RASA1: variants seen among roughly 807,000 people sequenced by gnomAD.
The protein encoded by RASA1 is ras GTPase-activating protein 1.
RASA1 carries 25 observed loss-of-function variants against 132.2 expected under a neutral mutation model. That is an observed-to-expected ratio of 0.19 (90% CI 0.14 to 0.26). The LOEUF (loss-of-function observed/expected upper bound fraction) is 0.26, where lower values mean the gene tolerates loss of function less well. Among genes scored for constraint, RASA1 ranks in the 10% least tolerant of loss-of-function variants. The pLI, the probability that RASA1 is intolerant of heterozygous loss-of-function variation, is 1.00. For synonymous variants in RASA1, 477 were observed against 449.9 expected (o/e 1.06, Z -0.76); for missense variants, 964 against 1,299.2 (o/e 0.74, Z 3.97).
intron 1 of RASA1, chr5:87,269,223 T>C: frequency 6.4e-7 from 1 of 1,561,378 alleles, no homozygotes; most frequent in Non-Finnish European, 8.6e-7. Flanking sequence ...GTCTTTAAGA[T>C]GGAAAGCATG....
In RASA1 at chr5:87,389,513, C is replaced by T; in HGVS notation, c.3046C>T (p.Arg1016Cys). 1 of 1,613,980 alleles carries T rather than the reference C, an allele frequency of 6.2e-7. No homozygotes were observed. The highest frequency in any genetic ancestry group is 8.5e-7 in the Non-Finnish European group (1 of 1,179,922). The change falls in exon 24 of 25, where the codon CGT (arginine) becomes TGT (cysteine). Residue 1016 changes from arginine (R) to cysteine (C), a missense_variant. Arg to Cys is a radical substitution (Grantham distance 180). Coordinates refer to ENST00000274376, the MANE Select transcript of RASA1 (RefSeq NM_002890.3). ...TGAACTTCGAACGCTCAGTAATGAG[C>T]GTGGTGCACAGCAGGTAGGCTTTCG... ...SDELRTLSNE[R>C]GAQQHVLKKL...
chr5:87,344,237 C>T (rs541475131), intron 6 of RASA1, among the ~76,000 whole-genome samples: 1 of 152,152 alleles, frequency 6.6e-6, no homozygotes, highest in African/African-American at 2.4e-5. Flanking sequence ...GTGATGGATA[C>T]CCCATTTATC....
chr5:87,304,014 A>G (rs975957408), intron 1 of RASA1, among the ~76,000 whole-genome samples: 1 of 151,916 alleles, frequency 6.6e-6, no homozygotes, highest in Admixed American at 6.6e-5. Flanking sequence ...TGGTATTTTT[A>G]GTAGAGACAG....
chr5:87,291,130 T>C (rs894906754), intron 1 of RASA1, among the ~76,000 whole-genome samples: 1 of 152,214 alleles, frequency 6.6e-6, no homozygotes, highest in African/African-American at 2.4e-5. Flanking sequence ...TGCCAGATTT[T>C]TGGATTTTGG....
At chr5:87,304,139 C>T (rs929985113) in intron 1 of RASA1, among the ~76,000 whole-genome samples, 3 of 151,984 alleles carry the variant, frequency 2.0e-5, no homozygotes, top group Middle Eastern at 3.2e-3. Flanking sequence ...CCAGCTGATA[C>T]TTCTTGTCTT....
Position 87,268,678 on chromosome 5 carries a change from C to G in RASA1, c.227C>G (p.Ser76Cys). The G allele has an allele frequency of 3.1e-6, 5 of 1,611,556 alleles. No homozygotes were observed. Among genetic ancestry groups the G allele is most frequent in the Non-Finnish European group, 4.2e-6 (5 of 1,178,990 alleles). The stretch of plus-strand genomic sequence containing the variant: ...GGGTCAGAGTTCCTAGGAGCCGGGT[C>G]TGTGGCAGGGGCACTGGGGGGAGCT... Reference protein sequence around the residue: ...ALGSEFLGAGSVAGALGGAGL... With the variant: ...ALGSEFLGAGCVAGALGGAGL... Residue 76 changes from serine (S) to cysteine (C), a missense_variant, in exon 1 of 25, where the codon TCT (serine) becomes TGT (cysteine). Ser to Cys is a moderately radical substitution (Grantham distance 112). Coordinates refer to ENST00000274376, the MANE Select transcript of RASA1 (RefSeq NM_002890.3).
intron 7 of RASA1, 68 bp downstream of exon 7, chr5:87,346,792 A>G (rs370615556): frequency 4.0e-6 from 5 of 1,261,838 alleles, no homozygotes. Context: ...CAAACCATTT[A>G]TCATGTGTTT....
At position 87,390,876 on chromosome 5, in the gene RASA1, T is replaced by G. The variant is rs750934301; in HGVS notation, c.3137T>G (p.Val1046Gly). The change falls in exon 25 of 25, where the codon GTC becomes GGC. Residue 1046 changes from valine to glycine, a missense_variant. Transcript: ENST00000274376. ...KQNQYTKTND[V>G]R ...AACCAGTATACAAAAACCAATGATG[T>G]CAGGTAGCAGCCTTCGCCCCAGTGT... is the stretch of plus-strand genomic sequence containing the variant. 2 of 1,610,560 alleles carry G rather than the reference T, an allele frequency of 1.2e-6. No individual in the cohort carries two copies. The highest frequency in any genetic ancestry group is 3.3e-5 in the Admixed American group (2 of 59,998).
At chr5:87,306,895 G>T (rs560203877) in intron 1 of RASA1, among the ~76,000 whole-genome samples, 1 of 152,072 alleles carries the variant, frequency 6.6e-6, no homozygotes, top group African/African-American at 2.4e-5. Context: ...GTCTCACTCT[G>T]TCACCCAGAC....
chr5:87,296,038 A>C (rs771605789), intron 1 of RASA1, among the ~76,000 whole-genome samples: 1 of 151,966 alleles, frequency 6.6e-6, no homozygotes, highest in Non-Finnish European at 1.5e-5. Context: ...GCTGGTGTTG[A>C]ATTCCTGACC....
At chr5:87,379,571 G>A (rs1427211045) in intron 18 of RASA1, among the ~76,000 whole-genome samples, 164 bp from the exon 19 acceptor site, 1 of 152,130 alleles carries the variant, frequency 6.6e-6, no homozygotes, top group Non-Finnish European at 1.5e-5. Flanking sequence ...GAGTTCCATA[G>A]AGAAAACTAC....
At chr5:87,381,804 T>C (rs1040091319) in intron 20 of RASA1, among the ~76,000 whole-genome samples, 15 of 152,184 alleles carry the variant, frequency 9.9e-5, no homozygotes, top group African/African-American at 2.9e-4. Context: ...CAGCAGGAAA[T>C]TGTAAACTGT....
intron 6 of RASA1, among the ~76,000 whole-genome samples, chr5:87,341,526 A>G (rs1225103512): frequency 1.3e-5 from 2 of 152,158 alleles, no homozygotes; most frequent in Non-Finnish European, 2.9e-5. Context: ...TGATAACTAA[A>G]TATAACTCTT....
intron 1 of RASA1, among the ~76,000 whole-genome samples, chr5:87,276,587 T>C (rs1019957219): frequency 6.6e-6 from 1 of 152,120 alleles, no homozygotes; most frequent in African/African-American, 2.4e-5. Context: ...GGAAATAAGA[T>C]GATAAAAGTA....
At chr5:87,280,203 C>T (rs190956137) in intron 1 of RASA1, among the ~76,000 whole-genome samples, 20 of 152,334 alleles carry the variant, frequency 1.3e-4, no homozygotes, top group African/African-American at 4.3e-4. Flanking sequence ...TAAACACCCT[C>T]ACAGACACAC....
intron 1 of RASA1, among the ~76,000 whole-genome samples, chr5:87,286,796 A>G (rs188514761): frequency 1.3e-4 from 19 of 151,254 alleles, no homozygotes; most frequent in Admixed American, 1.1e-3. Flanking sequence ...CAGTATACAC[A>G]TATGCATAAA....
chr5:87,318,076 G>A (rs1756485735), intron 1 of RASA1, among the ~76,000 whole-genome samples: 1 of 152,014 alleles, frequency 6.6e-6, no homozygotes, highest in Non-Finnish European at 1.5e-5. Flanking sequence ...CCATTAGGTT[G>A]AGATTCATTG....
At chr5:87,270,089 A>G (rs1210281384) in intron 1 of RASA1, among the ~76,000 whole-genome samples, 4 of 151,794 alleles carry the variant, frequency 2.6e-5, no homozygotes, top group Admixed American at 2.6e-4. Context: ...TAAAAATACA[A>G]AAATAAGCCG....
At chr5:87,339,046 T>G (rs2112391668) in intron 5 of RASA1, among the ~76,000 whole-genome samples, 2 of 152,248 alleles carry the variant, frequency 1.3e-5, no homozygotes, top group East Asian at 3.9e-4. Context: ...TCCTTTCGGA[T>G]TTTTCTAGTG....
Sources: gnomAD v4.1 joint callset for allele counts (sites outside exome capture counted in the v4.1 genomes callset) on GRCh38, gnomAD v4.1.1 for gene constraint, MANE v1.5 for transcripts, NCBI Gene and HGNC (gene_info 2026-07-23, HGNC 2026-07-21) for gene names.